CERS3: variants seen among roughly 807,000 people sequenced by gnomAD.
CERS3 encodes ceramide synthase 3, also known as LAG1 homolog, ceramide synthase 3.
CERS3 carries 33 observed loss-of-function variants against 50.3 expected under a neutral mutation model. That is an observed-to-expected ratio of 0.66 (90% CI 0.50 to 0.88). CERS3 has a LOEUF of 0.88. CERS3 is among the 40% of genes least tolerant of loss of function. The pLI is 0.00. For synonymous variants in CERS3, 176 were observed against 155.2 expected, an observed-to-expected ratio of 1.13 and a Z score of -0.99; for missense variants, 470 against 460.3, an observed-to-expected ratio of 1.02 and a Z score of -0.19.
At chr15:100,538,707 T>A (rs1020222064) in intron 1 of CERS3, among the ~76,000 whole-genome samples, 14 of 152,246 alleles carry the variant, frequency 9.2e-5, no homozygotes, top group Admixed American at 5.2e-4. Flanking sequence ...GAGGAGCTGC[T>A]GTTAAGACCC....
intron 1 of CERS3, among the ~76,000 whole-genome samples, chr15:100,537,577 C>T (rs375076561): frequency 3.8e-4 from 58 of 152,140 alleles, no homozygotes; most frequent in Admixed American, 7.9e-4. Flanking sequence ...TGGGGAAGAG[C>T]GCCTTATGAA....
In CERS3 at chr15:100,402,262, C is replaced by T. The variant is rs779117401; in HGVS notation, c.*451G>A. ...GAAGTGTCTCCTGGTGTGGTCCTTC[C>T]GCTCCTGTCCCACTGCCACTTCTAA... On this transcript the variant is annotated 3_prime_UTR_variant, in exon 12 of 12. Coordinates refer to ENST00000679737, the MANE Select transcript of CERS3 (RefSeq NM_001378789.1). 1.3e-5 allele frequency: 2 copies of T among 157,386 alleles called. No homozygotes were observed. Among genetic ancestry groups the T allele is most frequent in the Non-Finnish European group, 1.4e-5 (1 of 71,486 alleles). The allele number at this position is 157,386 out of a possible 1,614,324, so 9.7% of individuals were successfully genotyped here.
intron 1 of CERS3, among the ~76,000 whole-genome samples, chr15:100,537,968 G>A (rs1296551873): frequency 2.0e-5 from 3 of 152,286 alleles, no homozygotes; most frequent in African/African-American, 7.2e-5. Flanking sequence ...CAGGCATTGG[G>A]TAAACACACC....
At chr15:100,433,850 T>C (rs984163039) in intron 11 of CERS3, among the ~76,000 whole-genome samples, 1 of 152,268 alleles carries the variant, frequency 6.6e-6, no homozygotes, top group Non-Finnish European at 1.5e-5. Flanking sequence ...CTTGCTGACT[T>C]AGATCTCCCC....
At chr15:100,488,970 T>A (rs2035569171) in intron 4 of CERS3, among the ~76,000 whole-genome samples, 1 of 152,054 alleles carries the variant, frequency 6.6e-6, no homozygotes, top group South Asian at 2.1e-4. Context: ...AGAGACAGGG[T>A]TTCACCATGT....
At chr15:100,499,062 A>G (rs1005951502) in intron 3 of CERS3, among the ~76,000 whole-genome samples, 1 of 152,214 alleles carries the variant, frequency 6.6e-6, no homozygotes, top group Non-Finnish European at 1.5e-5. Context: ...CCTTCTTTAA[A>G]GAACGATGGA....
rs188630064 is a variant in CERS3 at position 100,501,624 on chromosome 15, T to C, written c.173+53A>G. 1,597 of 1,447,272 alleles carry C rather than the reference T, an allele frequency of 1.1e-3. 2 individuals carry two copies. The highest frequency in any genetic ancestry group is 1.4e-3 in the Non-Finnish European group (1,450 of 1,035,040). 89.7% of individuals were successfully genotyped at this position (1,447,272 alleles called of 1,614,324 possible). A position where few individuals can be genotyped will look rare whatever the true frequency, so the allele number is the denominator to read the frequency against. ...CACTAAGCCTAAGACTGTATTATTC[T>C]AGTGTTAGAGCAAAGAGGGGGAATG... On this transcript the variant is annotated intron_variant, in intron 3 of 11. Transcript: ENST00000679737.
chr15:100,400,490 C>A lies in CERS3; in HGVS notation c.*2223G>T, dbSNP rs539963378. ...ATAAGGTCATCTGAAGAATCCTGAG[C>A]CCTTGTTTCCTGTAGAAAGAGTGGT... On this transcript the variant is annotated 3_prime_UTR_variant, in exon 12 of 12. Coordinates refer to ENST00000679737, the MANE Select transcript of CERS3 (RefSeq NM_001378789.1). The A allele has an allele frequency of 6.6e-6, 1 of 152,254 alleles. No homozygotes were observed. Among genetic ancestry groups the A allele is most frequent in the South Asian group, 2.1e-4 (1 of 4,820 alleles). The allele number at this position is 152,254 out of a possible 1,614,324, so 9.4% of individuals were successfully genotyped here.
At chr15:100,415,930 G>C (rs2031866390) in intron 11 of CERS3, among the ~76,000 whole-genome samples, 1 of 146,558 alleles carries the variant, frequency 6.8e-6, no homozygotes, top group Non-Finnish European at 1.5e-5. Flanking sequence ...TACATGTTCT[G>C]CATCTGTATC....
At chr15:100,506,071 A>AAAAC (rs58306723) in intron 2 of CERS3, among the ~76,000 whole-genome samples, 88,099 of 143,220 alleles carry the variant, frequency 0.62, 26,050 homozygotes, top group African/African-American at 0.7. Context: ...ACCCTGTTTC[A>AAAAC]AAACAAACAA....
intron 11 of CERS3, among the ~76,000 whole-genome samples, chr15:100,412,405 GGTCTTTATGTTT>G (rs1387963133): frequency 3.9e-5 from 6 of 152,060 alleles, no homozygotes; most frequent in African/African-American, 1.4e-4. Flanking sequence ...TCTATACCAT[GGTCTTTATGTTT>G]GTCTTTATGC....
rs73477706 is a variant in CERS3 at position 100,536,255 on chromosome 15, C to T, written c.-354-7180G>A. The stretch of plus-strand genomic sequence containing the variant: ...TCAAGATTTACTATTTCATATCCCA[C>T]GTCCATGAAGTAATAAGTTGTGCAT... On this transcript the variant is annotated intron_variant, in intron 1 of 12. Coordinates refer to the CERS3 transcript ENST00000284382. Among the ~76,000 whole-genome samples the T allele has an allele frequency of 3.5e-3, 534 of 152,058 alleles. 4 individuals are homozygous for T. The highest frequency in any genetic ancestry group is 0.012 in the African/African-American group (503 of 41,378).
intron 11 of CERS3, among the ~76,000 whole-genome samples, chr15:100,447,193 C>T (rs1031505658): frequency 6.6e-6 from 1 of 152,158 alleles, no homozygotes; most frequent in Non-Finnish European, 1.5e-5. Context: ...AAGTCAGCTA[C>T]CTGGAGGCTC....
rs56261519 is a variant in CERS3 at position 100,413,510 on chromosome 15, GACTATACTATACTATACTAT to G, written c.1000-10665_1000-10646del. Among the ~76,000 whole-genome samples, 213 of 149,756 alleles carry G rather than the reference GACTATACTATACTATACTAT, an allele frequency of 1.4e-3. 1 individual carries two copies. Among genetic ancestry groups the G allele is most frequent in the Middle Eastern group, 3.4e-3 (1 of 292 alleles). ...TTACAAAAAAGTCAACACAACTGAC[GACTATACTATACTATACTAT>G]ACTATACTATACTATACTATACTAT... is the stretch of plus-strand genomic sequence containing the variant. On this transcript the variant is annotated intron_variant, in intron 11 of 11. Coordinates refer to ENST00000679737, the MANE Select transcript of CERS3 (RefSeq NM_001378789.1).
chr15:100,486,863 T>C (rs1738418984), intron 4 of CERS3, among the ~76,000 whole-genome samples: 1 of 152,252 alleles, frequency 6.6e-6, no homozygotes, highest in African/African-American at 2.4e-5. Flanking sequence ...TATTCTGGAA[T>C]ATTCTCAGAC....
chr15:100,408,505 T>C (rs2031232562), intron 11 of CERS3: 1 of 152,162 alleles, frequency 6.6e-6, no homozygotes, highest in South Asian at 2.1e-4. Context: ...AGTTGTGGAA[T>C]TATGTTGTTT....
chr15:100,466,020 G>A (rs2034703062), intron 10 of CERS3, among the ~76,000 whole-genome samples: 1 of 152,162 alleles, frequency 6.6e-6, no homozygotes, highest in Non-Finnish European at 1.5e-5. Context: ...CCAACTCCTT[G>A]AAGACAGCAA....
chr15:100,469,268 CA>C (rs1219551742), intron 10 of CERS3, 109 bp downstream of exon 10: 1 of 720,258 alleles, frequency 1.4e-6, no homozygotes, highest in Non-Finnish European at 2.4e-6. Flanking sequence ...GCACTTGACA[CA>C]AATAACTGGA....
chr15:100,496,298 A>G lies in CERS3; in HGVS notation c.174-5367T>C, dbSNP rs997618778. On this transcript the variant is annotated intron_variant, in intron 3 of 11. Coordinates refer to ENST00000679737, the MANE Select transcript of CERS3 (RefSeq NM_001378789.1). ...ATGCAACACAAATTTCTTCCCATCA[A>G]CTAAAGGATAAACAAGTTATAGTAT... Among the ~76,000 whole-genome samples, 4 of 152,196 alleles carry G rather than the reference A, an allele frequency of 2.6e-5. No homozygotes were observed. In the East Asian group the frequency reaches 7.7e-4, roughly 29 times the overall value.
Sources: gnomAD v4.1 joint callset for allele counts (sites outside exome capture counted in the v4.1 genomes callset) on GRCh38, gnomAD v4.1.1 for gene constraint, MANE v1.5 for transcripts, NCBI Gene and HGNC (gene_info 2026-07-23, HGNC 2026-07-21) for gene names.